MYLK: variants seen among roughly 807,000 people sequenced by gnomAD.
MYLK encodes the protein myosin light chain kinase, smooth muscle.
In MYLK, 106 loss-of-function variants were observed where a neutral mutation model predicts 203.4. The observed-to-expected ratio is 0.52, with a 90% CI of 0.45 to 0.61. The LOEUF is 0.61. Among genes scored for constraint, MYLK ranks in the 20% least tolerant of loss-of-function variants. The pLI is 0.00. For synonymous variants in MYLK, 867 were observed against 959.5 expected (o/e 0.90, Z 1.78); for missense variants, 2,072 against 2,442.3 (o/e 0.85, Z 3.20).
intron 2 of MYLK, among the ~76,000 whole-genome samples, chr3:123,866,990 T>C (rs2032374244): frequency 6.6e-6 from 1 of 151,970 alleles, no homozygotes; most frequent in African/African-American, 2.4e-5. Context: ...AACACCCCTT[T>C]CCCTCGGTGG....
chr3:123,700,968 C>T lies in MYLK; in HGVS notation c.2500G>A (p.Gly834Arg), dbSNP rs754817817. ...EPASCEDLCG[G>R]GVGADGGGSD... Reference sequence around the variant, plus strand: ...CCACCACCATCAGCACCAACTCCTCCACCACAGAGGTCCTCGCAGCTGGCA... The same window carrying T: ...CCACCACCATCAGCACCAACTCCTCTACCACAGAGGTCCTCGCAGCTGGCA... Residue 834 changes from glycine to arginine, a missense_variant, in exon 18 of 34, where the codon GGA becomes AGA. Gly to Arg is a moderately radical substitution (Grantham distance 125, BLOSUM62 -2). Around this residue, in one of 3 missense-constraint regions of MYLK, gnomAD observed 865 missense variants for 1,016.0 expected, o/e 0.85. Transcript: ENST00000360304. 3.1e-6 allele frequency: 5 copies of T among 1,609,090 alleles called. No homozygotes were observed. In the African/African-American group the frequency reaches 6.7e-5, roughly 21 times the overall value.
intron 3 of MYLK, among the ~76,000 whole-genome samples, chr3:123,828,436 T>A (rs1236895600): frequency 6.6e-6 from 1 of 152,042 alleles, no homozygotes; most frequent in Admixed American, 6.6e-5. Context: ...CCACCGCTCA[T>A]CCTATACAAA....
intron 27 of MYLK, among the ~76,000 whole-genome samples, chr3:123,646,328 A>G (rs820473): frequency 0.34 from 52,044 of 152,152 alleles, 15,214 homozygotes; most frequent in African/African-American, 0.76. Flanking sequence ...TGATGGTTGT[A>G]GTGTTTAGGA....
In MYLK at chr3:123,709,889, C is replaced by T; in HGVS notation, c.1809G>A (p.Lys603=). Residue 603 remains lysine, a synonymous_variant, in exon 14 of 34, where the codon AAG becomes AAA. Coordinates refer to ENST00000360304, the MANE Select transcript of MYLK (RefSeq NM_053025.4). ...GGTACTCACTCTTCCTGCTACTCTT[C>T]TTTTCTGTGTGGTAGAAAACAGAAC... ...SCSAWVTVHE[K]KSSRKSEYLL... is the part of the protein sequence containing the mutation. 1 of 1,614,104 alleles carries T rather than the reference C, an allele frequency of 6.2e-7. No homozygotes were observed. Among genetic ancestry groups the T allele is most frequent in the Non-Finnish European group, 8.5e-7 (1 of 1,180,014 alleles).
intron 4 of MYLK, 41 bp downstream of exon 4, chr3:123,793,636 C>T: frequency 2.5e-6 from 4 of 1,610,940 alleles, no homozygotes; most frequent in Non-Finnish European, 3.4e-6. Flanking sequence ...GGCCCCTGCC[C>T]ATCCTTCCCC....
At chr3:123,664,337 T>C (rs1469177392) in intron 22 of MYLK, 79 bp from the exon 23 acceptor site, 3 of 1,594,214 alleles carry the variant, frequency 1.9e-6, no homozygotes. Flanking sequence ...CCCCATTCCC[T>C]ACTTCCTGAA....
At position 123,700,574 on chromosome 3, in the gene MYLK, G is replaced by T. The variant is rs758996239; in HGVS notation, c.2894C>A (p.Thr965Asn). The change falls in exon 18 of 34, where the codon ACC becomes AAC. Residue 965 changes from threonine to asparagine, a missense_variant. Physicochemically the swap from Thr to Asn is moderately conservative, Grantham distance 65 (BLOSUM62 0). Around this residue, in one of 3 missense-constraint regions of MYLK, gnomAD observed 865 missense variants for 1,016.0 expected, o/e 0.85. Transcript: ENST00000360304. ...SVLAKKGTSK[T>N]PVPEKVPPPK... ...CGGTGGCACCTTCTCAGGCACGGGG[G>T]TCTTGGAAGTCCCCTTCTTGGCCAG... 1.2e-6 allele frequency: 2 copies of T among 1,613,750 alleles called. No homozygotes were observed. Among genetic ancestry groups the T allele is most frequent in the Non-Finnish European group, 1.7e-6 (2 of 1,179,944 alleles).
intron 4 of MYLK, among the ~76,000 whole-genome samples, chr3:123,771,568 T>C (rs745574179): frequency 6.6e-6 from 1 of 152,354 alleles, no homozygotes; most frequent in East Asian, 1.9e-4. Context: ...AGTTGAATGA[T>C]TGGCTCACTA....
chr3:123,815,077 G>A (rs113619831), intron 3 of MYLK, among the ~76,000 whole-genome samples: 2 of 152,306 alleles, frequency 1.3e-5, no homozygotes, highest in African/African-American at 4.8e-5. Context: ...ACAGGCATGA[G>A]CCACCACACC....
chr3:123,619,014 A>G (rs1350254544), intron 32 of MYLK, among the ~76,000 whole-genome samples: 1 of 152,146 alleles, frequency 6.6e-6, no homozygotes, highest in Non-Finnish European at 1.5e-5. Flanking sequence ...CCTTATGCTG[A>G]CATGTTGAAA....
At chr3:123,758,716 T>C (rs1263427068) in intron 4 of MYLK, among the ~76,000 whole-genome samples, 1 of 152,228 alleles carries the variant, frequency 6.6e-6, no homozygotes, top group Non-Finnish European at 1.5e-5. Context: ...TTTCCTTTTA[T>C]CTAGACCAAC....
chr3:123,678,811 T>C (rs2060160221), intron 20 of MYLK, among the ~76,000 whole-genome samples: 1 of 152,136 alleles, frequency 6.6e-6, no homozygotes, highest in African/African-American at 2.4e-5. Context: ...TGTGCCTGTA[T>C]ATAAAAATGC....
chr3:123,631,408 A>G (rs991763512), intron 29 of MYLK, among the ~76,000 whole-genome samples: 3 of 151,992 alleles, frequency 2.0e-5, no homozygotes, highest in African/African-American at 7.3e-5. Flanking sequence ...AAAAAAAAAA[A>G]AAAAAGAGAG....
rs546645010 is a variant in MYLK at position 123,715,388 on chromosome 3, G to C, written c.1805-5495C>G. ...TTTCTTCATCTGTAAAGTGAATTCG[G>C]AAGTGTCAAGTGGAGTTGTTGTGAG... is the stretch of plus-strand genomic sequence containing the variant. On this transcript the variant is annotated intron_variant, in intron 13 of 33. Coordinates refer to ENST00000360304, the MANE Select transcript of MYLK (RefSeq NM_053025.4). Among the ~76,000 whole-genome samples the C allele has an allele frequency of 3.3e-4, 51 of 152,336 alleles. 1 individual carries two copies. The highest frequency in any genetic ancestry group is 3.3e-3 in the South Asian group (16 of 4,824).
intron 2 of MYLK, among the ~76,000 whole-genome samples, chr3:123,872,580 T>C (rs1007889392): frequency 1.3e-5 from 2 of 152,188 alleles, no homozygotes; most frequent in Non-Finnish European, 2.9e-5. Flanking sequence ...GTTAGACTGG[T>C]TTACAGAACT....
At chr3:123,781,224 A>T (rs1337917249) in intron 4 of MYLK, among the ~76,000 whole-genome samples, 2 of 152,186 alleles carry the variant, frequency 1.3e-5, no homozygotes, top group African/African-American at 4.8e-5. Context: ...GCCAGAGAGG[A>T]AGTGCTCCAA....
At chr3:123,797,267 G>T (rs1337980195) in intron 3 of MYLK, among the ~76,000 whole-genome samples, 3 of 152,126 alleles carry the variant, frequency 2.0e-5, no homozygotes, top group Non-Finnish European at 4.4e-5. Context: ...TATAGTATAT[G>T]TTTGTAGAAC....
chr3:123,666,079 G>A, intron 22 of MYLK, 140 bp downstream of exon 22: 1 of 1,331,970 alleles, frequency 7.5e-7, no homozygotes, highest in Non-Finnish European at 1.1e-6. Context: ...GTGAGCGATG[G>A]GTAGGGGAGT....
At chr3:123,732,175 T>C (rs2062505092) in intron 11 of MYLK, among the ~76,000 whole-genome samples, 1 of 152,238 alleles carries the variant, frequency 6.6e-6, no homozygotes, top group Non-Finnish European at 1.5e-5. Context: ...GGGGAAATTT[T>C]ATAGAGATAG....
Sources: gnomAD v4.1 joint callset for allele counts (sites outside exome capture counted in the v4.1 genomes callset) on GRCh38, gnomAD v4.1.1 for gene constraint, gnomAD v4.1.1 regional missense constraint, MANE v1.5 for transcripts, NCBI Gene and HGNC (gene_info 2026-07-23, HGNC 2026-07-21) for gene names.